The following ANKRD18A variants were observed in gnomAD, a reference collection of about 807,000 sequenced individuals.
ANKRD18A encodes the protein ankyrin repeat domain-containing protein 18A.
ANKRD18A carries 72 observed loss-of-function variants against 110.6 expected under a neutral mutation model. The ratio of observed to expected loss-of-function variants is 0.65; its 90% CI spans 0.54 to 0.79. The LOEUF (loss-of-function observed/expected upper bound fraction) is 0.79, where lower values mean the gene tolerates loss of function less well. ANKRD18A is among the 30% of genes least tolerant of loss of function. ANKRD18A has a pLI of 0.00. For missense variants in ANKRD18A, 934 were observed against 1,163.3 expected, an observed-to-expected ratio of 0.80 and a Z score of 2.87; for synonymous variants, 305 against 410.3, an observed-to-expected ratio of 0.74 and a Z score of 3.10.
intron 8 of ANKRD18A, among the ~76,000 whole-genome samples, chr9:38,597,603 T>C (rs1417913101): frequency 6.6e-6 from 1 of 152,100 alleles, no homozygotes; most frequent in Non-Finnish European, 1.5e-5. Context: ...GAAGATACAA[T>C]TACATATTGC....
chr9:38,615,079 C>T (rs1349298482), intron 3 of ANKRD18A, among the ~76,000 whole-genome samples: 1 of 152,164 alleles, frequency 6.6e-6, no homozygotes, highest in East Asian at 1.9e-4. Flanking sequence ...AACTAAAAAA[C>T]AAAACCTCTT....
In ANKRD18A at chr9:38,604,439, T is replaced by C. The variant is rs1010162868; in HGVS notation, c.809-1227A>G. On this transcript the variant is annotated intron_variant, in intron 6 of 15. Transcript: ENST00000399703. ...CATGGTGTTTGGAGCTGTTGCTAAG[T>C]AGCCAACCATGAAGGGAGACATGAA... 9.6e-5 allele frequency among the ~76,000 whole-genome samples: 14 copies of C among 146,338 alleles called. No individual in the cohort carries two copies. In the South Asian group the frequency reaches 3.2e-3, roughly 34 times the overall value.
intron 13 of ANKRD18A, 29 bp from the exon 14 acceptor site, chr9:38,577,293 A>G: frequency 6.6e-7 from 1 of 1,505,312 alleles, no homozygotes; most frequent in Non-Finnish European, 8.9e-7. Flanking sequence ...ATACACTTTT[A>G]AAACAATTAT....
At chr9:38,587,895 C>G (rs1209015526) in intron 11 of ANKRD18A, among the ~76,000 whole-genome samples, 1 of 152,110 alleles carries the variant, frequency 6.6e-6, no homozygotes, top group African/African-American at 2.4e-5. Context: ...CGAGACCAGC[C>G]TGACCAACAC....
chr9:38,612,397 T>C (rs1825658374), intron 3 of ANKRD18A, among the ~76,000 whole-genome samples: 1 of 152,086 alleles, frequency 6.6e-6, no homozygotes, highest in Non-Finnish European at 1.5e-5. Context: ...TTTTTTTACT[T>C]TAGGCAAAAT....
chr9:38,573,733 G>C (rs866371767), intron 15 of ANKRD18A, among the ~76,000 whole-genome samples: 1 of 151,540 alleles, frequency 6.6e-6, no homozygotes. Context: ...AAAAAAAAAA[G>C]GTTAAACAAT....
At chr9:38,582,590 G>GA (rs1392492078) in intron 12 of ANKRD18A, among the ~76,000 whole-genome samples, 1 of 152,090 alleles carries the variant, frequency 6.6e-6, no homozygotes, top group Non-Finnish European at 1.5e-5. Flanking sequence ...AACAGAATGG[G>GA]AAAAAATAGT....
At position 38,602,591 on chromosome 9, in the gene ANKRD18A, T is replaced by G. The variant is rs563159096; in HGVS notation, c.862+568A>C. ...AACTATTATTGTCATTTCTTAAATT[T>G]TTTAAAAAAGCAAAACAAATTAGAA... On this transcript the variant is annotated intron_variant, in intron 7 of 15. Coordinates refer to ENST00000399703, the MANE Select transcript of ANKRD18A (RefSeq NM_147195.4). Among the ~76,000 whole-genome samples the G allele has an allele frequency of 1.6e-3, 251 of 152,312 alleles. 2 individuals carry two copies. Among genetic ancestry groups the G allele is most frequent in the African/African-American group, 5.5e-3 (227 of 41,566 alleles).
At chr9:38,570,879 G>A (rs1823614386), downstream of ANKRD18A, among the ~76,000 whole-genome samples, 1 of 152,216 alleles carries the variant, frequency 6.6e-6, no homozygotes, top group Non-Finnish European at 1.5e-5. Context: ...AGGTGGCCTG[G>A]CACTGCCTGG....
At chr9:38,620,021 G>A (rs1826016717) in intron 1 of ANKRD18A, 59 bp downstream of exon 1, 2 of 1,538,014 alleles carry the variant, frequency 1.3e-6, no homozygotes, top group Admixed American at 2.0e-5. Context: ...GGGGCTGCCG[G>A]GCTGCAGGGA....
chr9:38,610,738 TTTTCCCATTGC>T (rs570575531), intron 4 of ANKRD18A, among the ~76,000 whole-genome samples: 447 of 152,192 alleles, frequency 2.9e-3, no homozygotes, highest in African/African-American at 0.01. Flanking sequence ...TAGGTGAAGA[TTTTCCCATTGC>T]TTTCCCATTG....
rs1823860060 is a variant in ANKRD18A, at chr9:38,575,691, T to C, written c.2749A>G (p.Lys917Glu). 2 of 1,550,592 alleles carry C rather than the reference T, an allele frequency of 1.3e-6. No homozygotes were observed. Among genetic ancestry groups the C allele is most frequent in the South Asian group, 2.4e-5 (2 of 83,634 alleles). ...TTGGTGCTGATCACTGCTATTTTCT[T>C]ATCCGATCTGTAAAGAGAGCAAAGA... ...SMSKKLMKSD[K>E]KIAVISTKLF... The change falls in exon 15 of 16, where the codon AAG (lysine) becomes GAG (glutamate). Residue 917 changes from lysine (K) to glutamate (E), a missense_variant. Around this residue, in one of 4 missense-constraint regions of ANKRD18A, gnomAD observed 223 missense variants for 226.7 expected, o/e 0.98. Transcript: ENST00000399703.
chr9:38,580,505 T>C (rs1824112981), intron 12 of ANKRD18A, among the ~76,000 whole-genome samples: 1 of 152,252 alleles, frequency 6.6e-6, no homozygotes, highest in Non-Finnish European at 1.5e-5. Context: ...ATAAGAGGAA[T>C]GAGTTCTGAT....
intron 1 of ANKRD18A, among the ~76,000 whole-genome samples, chr9:38,619,767 T>G (rs1242615684): frequency 6.6e-6 from 1 of 152,212 alleles, no homozygotes; most frequent in African/African-American, 2.4e-5. Flanking sequence ...ATCTGAGAAC[T>G]CTTCGCCTAC....
At chr9:38,612,472 GT>G (rs1239840087) in intron 3 of ANKRD18A, among the ~76,000 whole-genome samples, 1 of 148,636 alleles carries the variant, frequency 6.7e-6, no homozygotes, top group Non-Finnish European at 1.5e-5. Flanking sequence ...TATAGGGCTT[GT>G]TTCTAGCATA....
At chr9:38,603,728 CT>C (rs757204305) in intron 6 of ANKRD18A, among the ~76,000 whole-genome samples, 5 of 152,074 alleles carry the variant, frequency 3.3e-5, no homozygotes, top group African/African-American at 4.8e-5. Flanking sequence ...GCTTTATACC[CT>C]GAACAGAATG....
intron 3 of ANKRD18A, among the ~76,000 whole-genome samples, chr9:38,612,603 C>T (rs1825678513): frequency 6.7e-6 from 1 of 149,838 alleles, no homozygotes; most frequent in Non-Finnish European, 1.5e-5. Flanking sequence ...CTGCAAGCTC[C>T]ACCTCCCGAG....
At chr9:38,586,927 C>T (rs1007150920) in intron 11 of ANKRD18A, among the ~76,000 whole-genome samples, 2 of 151,718 alleles carry the variant, frequency 1.3e-5, no homozygotes, top group African/African-American at 4.9e-5. Context: ...GATGAAATAA[C>T]GTATTAGTAA....
chr9:38,573,520 TC>T (rs1256113593), intron 15 of ANKRD18A, among the ~76,000 whole-genome samples: 6 of 152,146 alleles, frequency 3.9e-5, no homozygotes, highest in African/African-American at 1.4e-4. Flanking sequence ...ATCGAGACCA[TC>T]CTGGCCAACA....
Sources: gnomAD v4.1 joint callset for allele counts (sites outside exome capture counted in the v4.1 genomes callset) on GRCh38, gnomAD v4.1.1 for gene constraint, gnomAD v4.1.1 regional missense constraint, MANE v1.5 for transcripts, NCBI Gene and HGNC (gene_info 2026-07-23, HGNC 2026-07-21) for gene names.